ABHD5: variants seen among roughly 807,000 people sequenced by gnomAD.
ABHD5 encodes abhydrolase domain containing 5, lysophosphatidic acid acyltransferase, also known as 1-acylglycerol-3-phosphate O-acyltransferase ABHD5.
A neutral mutation model predicts 44.9 loss-of-function variants in ABHD5; 30 were observed. The observed-to-expected ratio is 0.67, with a 90% CI of 0.50 to 0.91. The LOEUF (loss-of-function observed/expected upper bound fraction) is 0.91. ABHD5 is among the 40% of genes least tolerant of loss of function. The pLI, the probability that ABHD5 is intolerant of heterozygous loss-of-function variation, is 0.00. For missense variants in ABHD5, 399 were observed against 423.4 expected, an observed-to-expected ratio of 0.94 and a Z score of 0.50; for synonymous variants, 167 against 147.0, an observed-to-expected ratio of 1.14 and a Z score of -0.99.
rs1358271126 is a variant in ABHD5, at chr3:43,702,247, C to T, written c.166C>T (p.Arg56Cys). Residue 56 changes from arginine (R) to cysteine (C), a missense_variant, in exon 3 of 7, where the codon CGT (arginine) becomes TGT (cysteine). Coordinates refer to ENST00000644371, the MANE Select transcript of ABHD5 (RefSeq NM_016006.6). ...VPCTYKKEPV[R>C]ISNGNKIWTL... ...TTGCACATACAAAAAAGAACCTGTT[C>T]GTATATCTAATGGAAATAAAATATG... is the stretch of plus-strand genomic sequence containing the variant. 5.0e-6 allele frequency: 8 copies of T among 1,591,950 alleles called. No individual in the cohort carries two copies. The highest frequency in any genetic ancestry group is 1.7e-5 in the Admixed American group (1 of 57,734).
At chr3:43,706,790 A>G (rs1162343820) in intron 3 of ABHD5, among the ~76,000 whole-genome samples, 3 of 152,182 alleles carry the variant, frequency 2.0e-5, no homozygotes, top group African/African-American at 4.8e-5. Context: ...TGTTGCAAAT[A>G]TAATCTTTAT....
intron 3 of ABHD5, among the ~76,000 whole-genome samples, chr3:43,708,829 C>G (rs576659970): frequency 6.6e-6 from 1 of 152,080 alleles, no homozygotes; most frequent in African/African-American, 2.4e-5. Context: ...TAGAAAAATA[C>G]AATTGTATCA....
chr3:43,694,261 A>C (rs922093722), intron 1 of ABHD5, among the ~76,000 whole-genome samples: 2 of 149,910 alleles, frequency 1.3e-5, no homozygotes, highest in African/African-American at 4.9e-5. Flanking sequence ...TCCGTCTCAA[A>C]AAAAAAAAAA....
At chr3:43,714,853 A>G (rs962187535) in intron 4 of ABHD5, 94 bp from the exon 5 acceptor site, 1 of 838,268 alleles carries the variant, frequency 1.2e-6, no homozygotes, top group Admixed American at 1.8e-5. Flanking sequence ...TATAACACTC[A>G]TTACACAGAC....
At chr3:43,714,881 A>G in intron 4 of ABHD5, 66 bp from the exon 5 acceptor site, 2 of 1,124,972 alleles carry the variant, frequency 1.8e-6, no homozygotes, top group East Asian at 2.5e-5. Context: ...AAAACTTTCT[A>G]TATTATTTAG....
At chr3:43,707,665 G>C (rs2084638605) in intron 3 of ABHD5, 1 of 151,146 alleles carries the variant, frequency 6.6e-6, no homozygotes, top group African/African-American at 2.4e-5. Context: ...GTCTTGCTCT[G>C]TTGCCCTGGC....
chr3:43,698,318 G>A (rs1306975657), intron 1 of ABHD5, among the ~76,000 whole-genome samples: 1 of 151,920 alleles, frequency 6.6e-6, no homozygotes, highest in Non-Finnish European at 1.5e-5. Flanking sequence ...CCTTGGATTG[G>A]GCCCTTACCT....
chr3:43,704,941 A>G (rs562928246), intron 3 of ABHD5, among the ~76,000 whole-genome samples: 13 of 152,342 alleles, frequency 8.5e-5, no homozygotes, highest in Middle Eastern at 3.4e-3. Flanking sequence ...TGAACTGTAC[A>G]GAGTGTATTG....
chr3:43,727,058 C>T (rs1214804900), downstream of ABHD5, among the ~76,000 whole-genome samples: 1 of 152,170 alleles, frequency 6.6e-6, no homozygotes, highest in Non-Finnish European at 1.5e-5. Context: ...CTCTCTGGCT[C>T]TCCTTTCTAG....
chr3:43,733,126 G>A (rs1697267116), intron 7 of ABHD5, among the ~76,000 whole-genome samples: 1 of 152,194 alleles, frequency 6.6e-6, no homozygotes, highest in African/African-American at 2.4e-5. Context: ...GATTCTGATG[G>A]TTAGAAGGAA....
At chr3:43,692,230 A>T (rs970444439) in intron 1 of ABHD5, among the ~76,000 whole-genome samples, 6 of 152,230 alleles carry the variant, frequency 3.9e-5, no homozygotes, top group African/African-American at 7.2e-5. Context: ...ATGGGGAAAA[A>T]TTGTGAAATA....
chr3:43,712,815 T>G (rs1346664959), intron 4 of ABHD5, among the ~76,000 whole-genome samples: 1 of 152,016 alleles, frequency 6.6e-6, no homozygotes, highest in Non-Finnish European at 1.5e-5. Context: ...CAAAAAGAAA[T>G]AAAAGCACGA....
chr3:43,690,888 G>A, upstream of ABHD5: 2 of 1,290,966 alleles, frequency 1.5e-6, no homozygotes, highest in Non-Finnish European at 2.0e-6. Context: ...GAAGACGCAT[G>A]CGCTGGCGGC....
intron 3 of ABHD5, among the ~76,000 whole-genome samples, chr3:43,704,403 G>A (rs1428835047): frequency 6.6e-6 from 1 of 152,236 alleles, no homozygotes; most frequent in Non-Finnish European, 1.5e-5. Flanking sequence ...TATGGTGAAA[G>A]GAGAAGGAAG....
At chr3:43,717,943 G>A (rs2084788378) in intron 6 of ABHD5, 86 bp downstream of exon 6, 4 of 1,550,788 alleles carry the variant, frequency 2.6e-6, no homozygotes, top group Admixed American at 1.7e-5. Context: ...GGTCATCCTC[G>A]TGTTGCAGGT....
intron 7 of ABHD5, among the ~76,000 whole-genome samples, chr3:43,733,077 C>T (rs1287602203): frequency 1.3e-5 from 2 of 152,184 alleles, no homozygotes; most frequent in South Asian, 4.1e-4. Context: ...CAACCTTGTG[C>T]AGTGTAATCA....
Position 43,721,067 on chromosome 3 carries a change from T to C in ABHD5, c.*2535T>C, listed in dbSNP as rs1045421655. On this transcript the variant is annotated 3_prime_UTR_variant, in exon 7 of 7. Coordinates refer to ENST00000644371, the MANE Select transcript of ABHD5 (RefSeq NM_016006.6). ...AAGTACTGGAAAGAATAAACAAAAA[T>C]AGCCAGAAGATGCCTAGAAAAGAAC... is the stretch of plus-strand genomic sequence containing the variant. 1 of 152,068 alleles carries C rather than the reference T, an allele frequency of 6.6e-6. No individual in the cohort carries two copies. Among genetic ancestry groups the C allele is most frequent in the Non-Finnish European group, 1.5e-5 (1 of 68,000 alleles). 9.4% of individuals were successfully genotyped at this position (152,068 alleles called of 1,614,324 possible). A position where few individuals can be genotyped will look rare whatever the true frequency, so the allele number is the denominator to read the frequency against.
rs1553617074 is a variant in ABHD5 at position 43,718,589 on chromosome 3, T to C, written c.*57T>C. The C allele has an allele frequency of 4.0e-6, 6 of 1,518,704 alleles. 1 individual carries two copies. The highest frequency in any genetic ancestry group is 1.1e-5 in the South Asian group (1 of 89,070). The allele number at this position is 1,518,704 out of a possible 1,614,324, so 94.1% of individuals were successfully genotyped here. Reference sequence around the variant, plus strand: ...GACTGATATAGTTGTTCAGCAATAATTCATAGTCTGTGATGAAGAGTAGTG... The same window carrying C: ...GACTGATATAGTTGTTCAGCAATAACTCATAGTCTGTGATGAAGAGTAGTG... On this transcript the variant is annotated 3_prime_UTR_variant, in exon 7 of 7. Transcript: ENST00000644371.
intron 2 of ABHD5, 57 bp from the exon 3 acceptor site, chr3:43,702,158 C>T (rs1167935589): frequency 6.7e-7 from 1 of 1,491,698 alleles, no homozygotes; most frequent in Admixed American, 2.1e-5. Context: ...TCTGAGAATA[C>T]TTCCCTTCTC....
Sources: allele counts gnomAD v4.1 joint callset (sites outside exome capture counted in the v4.1 genomes callset), GRCh38; gene constraint gnomAD v4.1.1; transcripts MANE v1.5; gene names NCBI Gene and HGNC (gene_info 2026-07-23, HGNC 2026-07-21).